The following FER variants were observed in gnomAD, a reference collection of about 807,000 sequenced individuals.
The protein encoded by FER is tyrosine-protein kinase Fer.
Under a neutral mutation model 111.0 loss-of-function variants are expected in FER, and 63 were observed. The ratio of observed to expected loss-of-function variants is 0.57; its 90% CI spans 0.46 to 0.70. The LOEUF (loss-of-function observed/expected upper bound fraction) is 0.70. Among genes scored for constraint, FER ranks in the 30% least tolerant of loss-of-function variants. The pLI is 0.00. For synonymous variants in FER, 327 were observed against 313.9 expected (o/e 1.04, Z -0.44); for missense variants, 914 against 954.0 (o/e 0.96, Z 0.55).
At chr5:109,143,121 G>A (rs1239455124) in intron 17 of FER, among the ~76,000 whole-genome samples, 1 of 152,128 alleles carries the variant, frequency 6.6e-6, no homozygotes, top group Non-Finnish European at 1.5e-5. Context: ...TTCAGGGTCA[G>A]TGAAAAATGC....
Position 108,795,394 on chromosome 5 carries a change from C to CT in FER, c.-59-2716dup, listed in dbSNP as rs1380392302. 1.4e-3 allele frequency among the ~76,000 whole-genome samples: 158 copies of CT among 114,590 alleles called. No individual in the cohort carries two copies. In the Middle Eastern group the frequency reaches 0.02, roughly 15 times the overall value. The allele number at this position is 114,590 out of a possible 152,430, so 75.2% of individuals were successfully genotyped here. On this transcript the variant is annotated intron_variant, in intron 2 of 19. Coordinates refer to ENST00000281092, the MANE Select transcript of FER (RefSeq NM_005246.4). Reference sequence around the variant, plus strand: ...ATGGTTTATTCTCTTTTTTTGTTTTCTTTTTTTTTTTTTTATGTTCCCTCT... The same window carrying CT: ...ATGGTTTATTCTCTTTTTTTGTTTTCTTTTTTTTTTTTTTTATGTTCCCTCT...
At chr5:108,864,154 A>G (rs1004593394) in intron 5 of FER, among the ~76,000 whole-genome samples, 7 of 152,216 alleles carry the variant, frequency 4.6e-5, no homozygotes, top group African/African-American at 1.7e-4. Flanking sequence ...TGAATGGACA[A>G]TGGGTACAGA....
At position 109,030,303 on chromosome 5, in the gene FER, A is replaced by C. The variant is rs1038905041; in HGVS notation, c.1657-7119A>C. Among the ~76,000 whole-genome samples, 3 of 152,148 alleles carry C rather than the reference A, an allele frequency of 2.0e-5. No individual in the cohort carries two copies. In the East Asian group the frequency reaches 5.8e-4, roughly 29 times the overall value. The stretch of plus-strand genomic sequence containing the variant: ...GTCAGGTAATTCCAACATCAGATCC[A>C]TCCCACTGTTGGTTGACTGTCTTTT... On this transcript the variant is annotated intron_variant, in intron 13 of 19. Coordinates refer to ENST00000281092, the MANE Select transcript of FER (RefSeq NM_005246.4).
intron 2 of FER, among the ~76,000 whole-genome samples, chr5:108,797,147 T>G (rs1756120944): frequency 6.6e-6 from 1 of 151,418 alleles, no homozygotes. Flanking sequence ...TTGGCCCAGG[T>G]TGTGTTTAGA....
At chr5:109,049,321 T>A (rs1404384931) in intron 16 of FER, among the ~76,000 whole-genome samples, 2 of 152,182 alleles carry the variant, frequency 1.3e-5, no homozygotes, top group Admixed American at 1.3e-4. Flanking sequence ...CTGGAGGCTC[T>A]GGGGAAGAAT....
chr5:108,909,165 T>C (rs1751205268), intron 10 of FER, among the ~76,000 whole-genome samples: 1 of 152,230 alleles, frequency 6.6e-6, no homozygotes, highest in Admixed American at 6.5e-5. Flanking sequence ...ATTTTGATAA[T>C]TATTTTATGA....
chr5:108,971,780 G>A (rs1265900244), intron 13 of FER, among the ~76,000 whole-genome samples: 1 of 151,950 alleles, frequency 6.6e-6, no homozygotes, highest in South Asian at 2.1e-4. Flanking sequence ...ATAAAAATTA[G>A]CATTAAATAC....
chr5:109,067,282 C>T (rs146612114), intron 16 of FER, among the ~76,000 whole-genome samples: 1 of 151,608 alleles, frequency 6.6e-6, no homozygotes, highest in East Asian at 1.9e-4. Context: ...GCTGCTGCTG[C>T]TGTTTTTAAT....
chr5:109,018,657 C>T (rs1260045728), intron 13 of FER, among the ~76,000 whole-genome samples: 1 of 151,272 alleles, frequency 6.6e-6, no homozygotes, highest in Non-Finnish European at 1.5e-5. Flanking sequence ...ATCATGTAAT[C>T]CTTTGAATCG....
intron 13 of FER, among the ~76,000 whole-genome samples, chr5:109,016,137 A>G (rs912844558): frequency 6.6e-6 from 1 of 152,048 alleles, no homozygotes; most frequent in African/African-American, 2.4e-5. Flanking sequence ...TTCAGTAATC[A>G]GAGACTATAA....
intron 16 of FER, among the ~76,000 whole-genome samples, chr5:109,068,547 A>T (rs948506755): frequency 6.6e-6 from 1 of 152,162 alleles, no homozygotes; most frequent in Admixed American, 6.5e-5. Flanking sequence ...ATGCACTGTA[A>T]TTCTTATTTA....
At chr5:108,885,932 A>G (rs944118347) in intron 9 of FER, among the ~76,000 whole-genome samples, 1 of 152,000 alleles carries the variant, frequency 6.6e-6, no homozygotes, top group African/African-American at 2.4e-5. Flanking sequence ...CCCATTGCAC[A>G]TATAAAATTA....
chr5:109,137,716 G>T (rs1753051850), intron 17 of FER, among the ~76,000 whole-genome samples: 1 of 152,126 alleles, frequency 6.6e-6, no homozygotes, highest in African/African-American at 2.4e-5. Flanking sequence ...GACTGAATCT[G>T]GCAAAAGGCC....
intron 1 of FER, among the ~76,000 whole-genome samples, chr5:108,764,357 T>C (rs1050094129): frequency 1.1e-4 from 17 of 152,242 alleles, no homozygotes; most frequent in Admixed American, 9.2e-4. Context: ...AAATTTTCTT[T>C]GAAAACAATT....
chr5:108,785,336 T>A, intron 2 of FER: 1 of 567,972 alleles, frequency 1.8e-6, no homozygotes, highest in South Asian at 1.5e-5. Context: ...CAGCCCCAAC[T>A]GCTACTGGCT....
intron 9 of FER, among the ~76,000 whole-genome samples, chr5:108,892,139 TC>T (rs1748194972): frequency 1.3e-5 from 2 of 152,170 alleles, no homozygotes; most frequent in South Asian, 4.1e-4. Flanking sequence ...TGTGCATGTG[TC>T]TTTATAGCAG....
At chr5:108,750,818 A>G (rs377079103) in intron 1 of FER, among the ~76,000 whole-genome samples, 31 of 152,348 alleles carry the variant, frequency 2.0e-4, no homozygotes, top group African/African-American at 6.5e-4. Flanking sequence ...CCACCTATAT[A>G]TTTAGCAATA....
chr5:109,046,162 C>G (rs1212518148), intron 15 of FER, among the ~76,000 whole-genome samples: 1 of 152,106 alleles, frequency 6.6e-6, no homozygotes, highest in African/African-American at 2.4e-5. Flanking sequence ...TGTTGAAACT[C>G]CATTATTCAA....
chr5:109,019,137 T>G (rs569641026), intron 13 of FER, among the ~76,000 whole-genome samples: 2 of 151,666 alleles, frequency 1.3e-5, no homozygotes, highest in Non-Finnish European at 3.0e-5. Context: ...TATCCACATT[T>G]GATTAGATTT....
Sources: gnomAD v4.1 joint callset for allele counts (sites outside exome capture counted in the v4.1 genomes callset) on GRCh38, gnomAD v4.1.1 for gene constraint, MANE v1.5 for transcripts, NCBI Gene and HGNC (gene_info 2026-07-23, HGNC 2026-07-21) for gene names.